XKR4: variants seen among roughly 807,000 people sequenced by gnomAD.
XKR4 encodes XK related 4.
Under a neutral mutation model 53.9 loss-of-function variants are expected in XKR4, and 12 were observed. The ratio of observed to expected loss-of-function variants is 0.22; its 90% CI spans 0.14 to 0.36. The LOEUF (loss-of-function observed/expected upper bound fraction) is 0.36, where lower values mean the gene tolerates loss of function less well. Ranked by LOEUF, XKR4 falls within the 10% of genes least tolerant of loss-of-function variation. The pLI, the probability that XKR4 is intolerant of heterozygous loss-of-function variation, is 1.00. For synonymous variants in XKR4, 354 were observed against 362.4 expected (o/e 0.98, Z 0.26); for missense variants, 799 against 859.5 (o/e 0.93, Z 0.88).
rs145067814 is a variant in XKR4, at chr8:55,195,217, G to A, written c.806+91923G>A. On this transcript the variant is annotated intron_variant, in intron 1 of 2. Coordinates refer to ENST00000327381, the MANE Select transcript of XKR4 (RefSeq NM_052898.2). Reference sequence around the variant, plus strand: ...CTCATATTAGATTCATTTACCATCAGATTTTACTATTAATGTTAATAATTA... The same window carrying A: ...CTCATATTAGATTCATTTACCATCAAATTTTACTATTAATGTTAATAATTA... Among the ~76,000 whole-genome samples, 3 of 100,460 alleles carry A rather than the reference G, an allele frequency of 3.0e-5. 1 individual carries two copies. Among genetic ancestry groups the A allele is most frequent in the Non-Finnish European group, 4.8e-5 (2 of 41,882 alleles). The allele number at this position is 100,460 out of a possible 152,430, so 65.9% of individuals were successfully genotyped here. A position where few individuals can be genotyped will look rare whatever the true frequency, so the allele number is the denominator to read the frequency against.
At chr8:55,372,897 C>T (rs955161937) in intron 2 of XKR4, among the ~76,000 whole-genome samples, 5 of 152,082 alleles carry the variant, frequency 3.3e-5, no homozygotes, top group African/African-American at 1.2e-4. Flanking sequence ...TAGAGACAGC[C>T]CTGCAAACTG....
chr8:55,438,590 G>GAAA lies in XKR4; in HGVS notation c.1006+80728_1006+80730dup, dbSNP rs751832656. Among the ~76,000 whole-genome samples the GAAA allele has an allele frequency of 2.7e-4, 27 of 100,332 alleles. 1 individual carries two copies. Among genetic ancestry groups the GAAA allele is most frequent in the South Asian group, 1.1e-3 (3 of 2,702 alleles). 65.8% of individuals were successfully genotyped at this position (100,332 alleles called of 152,430 possible). A position where few individuals can be genotyped will look rare whatever the true frequency, so the allele number is the denominator to read the frequency against. On this transcript the variant is annotated intron_variant, in intron 2 of 2. Transcript: ENST00000327381. Reference sequence around the variant, plus strand: ...AGGTGACAGAGCAAGACTCCATCTTGAAAAAAAAAAAAAAAAAGAGAGAGA... The same window carrying GAAA: ...AGGTGACAGAGCAAGACTCCATCTTGAAAAAAAAAAAAAAAAAAAAGAGAGAGA...
At chr8:55,378,923 TGAATCATGTTGGG>T (rs1804190211) in intron 2 of XKR4, among the ~76,000 whole-genome samples, 1 of 152,178 alleles carries the variant, frequency 6.6e-6, no homozygotes, top group South Asian at 2.1e-4. Context: ...TATTGCCAAA[TGAATCATGTTGGG>T]GAAATACTGT....
intron 1 of XKR4, among the ~76,000 whole-genome samples, chr8:55,166,119 G>A (rs1240479394): frequency 1.3e-5 from 2 of 152,186 alleles, no homozygotes; most frequent in African/African-American, 2.4e-5. Context: ...AGGTGGGGGA[G>A]GGAGGAAGTA....
At chr8:55,385,978 A>G (rs749229460) in intron 2 of XKR4, among the ~76,000 whole-genome samples, 3 of 152,208 alleles carry the variant, frequency 2.0e-5, no homozygotes, top group African/African-American at 4.8e-5. Context: ...GTATAATTTT[A>G]AAAATCCTTT....
intron 2 of XKR4, among the ~76,000 whole-genome samples, chr8:55,457,289 C>G (rs1370360933): frequency 2.0e-5 from 3 of 151,832 alleles, no homozygotes; most frequent in Non-Finnish European, 4.4e-5. Flanking sequence ...ACTACAGGCG[C>G]CCACCACCAC....
intron 2 of XKR4, among the ~76,000 whole-genome samples, chr8:55,400,845 C>G (rs1225456674): frequency 1.3e-5 from 2 of 152,158 alleles, no homozygotes; most frequent in Non-Finnish European, 2.9e-5. Flanking sequence ...GTCTGCTGCC[C>G]TGTTTCTTAA....
chr8:55,248,057 G>A (rs1353386564), intron 1 of XKR4, among the ~76,000 whole-genome samples: 1 of 151,240 alleles, frequency 6.6e-6, no homozygotes, highest in African/African-American at 2.4e-5. Flanking sequence ...GGGTTTCATT[G>A]TGTTAGCCAG....
At chr8:55,329,082 A>T (rs1289027313) in intron 1 of XKR4, among the ~76,000 whole-genome samples, 2 of 152,144 alleles carry the variant, frequency 1.3e-5, no homozygotes, top group Non-Finnish European at 2.9e-5. Flanking sequence ...AATCTTCATA[A>T]CAATCCTGAT....
chr8:55,313,339 G>A (rs554235316), intron 1 of XKR4, among the ~76,000 whole-genome samples: 1 of 152,220 alleles, frequency 6.6e-6, no homozygotes, highest in Non-Finnish European at 1.5e-5. Context: ...TTCTGAGGAT[G>A]CTATTAGAGT....
At chr8:55,306,836 T>G (rs1172719452) in intron 1 of XKR4, among the ~76,000 whole-genome samples, 1 of 151,992 alleles carries the variant, frequency 6.6e-6, no homozygotes, top group Non-Finnish European at 1.5e-5. Flanking sequence ...AAGATAGCCT[T>G]GGAGATGGAG....
At chr8:55,130,274 G>T (rs554759396) in intron 1 of XKR4, among the ~76,000 whole-genome samples, 1 of 152,312 alleles carries the variant, frequency 6.6e-6, no homozygotes. Context: ...AAAGAGAACA[G>T]GGAGAAGGGT....
intron 2 of XKR4, among the ~76,000 whole-genome samples, chr8:55,432,794 T>C (rs1459660723): frequency 6.6e-6 from 1 of 152,056 alleles, no homozygotes; most frequent in Non-Finnish European, 1.5e-5. Flanking sequence ...CCCTCTAAAA[T>C]CTAGGCTCTT....
chr8:55,400,138 A>G (rs1804577458), intron 2 of XKR4, among the ~76,000 whole-genome samples: 1 of 152,238 alleles, frequency 6.6e-6, no homozygotes, highest in Non-Finnish European at 1.5e-5. Flanking sequence ...TTTGTCTTAG[A>G]GAACACAACC....
intron 1 of XKR4, among the ~76,000 whole-genome samples, chr8:55,130,408 A>G (rs1222917518): frequency 6.6e-6 from 1 of 152,226 alleles, no homozygotes; most frequent in African/African-American, 2.4e-5. Context: ...CACCTGGTAC[A>G]GTGACAAAAG....
intron 2 of XKR4, among the ~76,000 whole-genome samples, chr8:55,423,106 T>C (rs1201757606): frequency 6.6e-6 from 1 of 152,088 alleles, no homozygotes; most frequent in Non-Finnish European, 1.5e-5. Context: ...GACACTTTTT[T>C]TTTTTTTGAG....
rs1460225063 is a variant in XKR4 at position 55,532,979 on chromosome 8, CTAATT to C, written c.*8760_*8764del. ...GTTATCAGATGGAGATGTGGTTAAGCTAATTTAATTTACCTATTCTAGTGGCATTC... is the reference window on the plus strand; with the variant it reads ...GTTATCAGATGGAGATGTGGTTAAGCTAATTTACCTATTCTAGTGGCATTC... On this transcript the variant is annotated 3_prime_UTR_variant, in exon 3 of 3. Transcript: ENST00000327381. The C allele has an allele frequency of 6.6e-6, 1 of 152,008 alleles. No homozygotes were observed. Among genetic ancestry groups the C allele is most frequent in the East Asian group, 1.9e-4 (1 of 5,198 alleles). The allele number at this position is 152,008 out of a possible 1,614,324, so 9.4% of individuals were successfully genotyped here.
intron 2 of XKR4, among the ~76,000 whole-genome samples, chr8:55,469,719 A>G (rs141833008): frequency 6.6e-6 from 1 of 152,210 alleles, no homozygotes; most frequent in East Asian, 1.9e-4. Flanking sequence ...CTCTATTCCA[A>G]TCTCCAACTT....
chr8:55,382,264 G>A (rs900224737), intron 2 of XKR4, among the ~76,000 whole-genome samples: 6 of 152,204 alleles, frequency 3.9e-5, no homozygotes, highest in African/African-American at 1.2e-4. Flanking sequence ...AGTAGTCATT[G>A]ACCTGGGACA....
Sources: gnomAD v4.1 joint callset for allele counts (sites outside exome capture counted in the v4.1 genomes callset) on GRCh38, gnomAD v4.1.1 for gene constraint, MANE v1.5 for transcripts, NCBI Gene and HGNC (gene_info 2026-07-23, HGNC 2026-07-21) for gene names.